ST6GALNAC3: variants seen among roughly 807,000 people sequenced by gnomAD.
ST6GALNAC3 encodes the protein alpha-N-acetylgalactosaminide alpha-2,6-sialyltransferase 3.
In ST6GALNAC3, 25 loss-of-function variants were observed where a neutral mutation model predicts 32.7. That is an observed-to-expected ratio of 0.76 (90% confidence interval 0.56 to 1.07). The LOEUF is 1.07. ST6GALNAC3 is among the 50% of genes least tolerant of loss of function. The pLI, the probability that ST6GALNAC3 is intolerant of heterozygous loss-of-function variation, is 0.00. For synonymous variants in ST6GALNAC3, 129 were observed against 133.1 expected, an observed-to-expected ratio of 0.97 and a Z score of 0.21; for missense variants, 355 against 382.4, an observed-to-expected ratio of 0.93 and a Z score of 0.60.
chr1:76,374,063 AGACAGAAG>A (rs1445032667), intron 2 of ST6GALNAC3, among the ~76,000 whole-genome samples: 1 of 152,188 alleles, frequency 6.6e-6, no homozygotes, highest in Non-Finnish European at 1.5e-5. Flanking sequence ...ACTTCTAGTT[AGACAGAAG>A]GAAAGCTCAC....
intron 2 of ST6GALNAC3, among the ~76,000 whole-genome samples, chr1:76,367,087 A>C (rs1206089356): frequency 6.6e-6 from 1 of 152,164 alleles, no homozygotes; most frequent in Non-Finnish European, 1.5e-5. Flanking sequence ...TCTGAGCAAT[A>C]CCAGGCTAAT....
chr1:76,490,057 G>C (rs1251260188), intron 3 of ST6GALNAC3, among the ~76,000 whole-genome samples: 4 of 152,076 alleles, frequency 2.6e-5, no homozygotes, highest in Non-Finnish European at 4.4e-5. Context: ...ATGCTTCATG[G>C]GAAACATTTA....
chr1:76,160,212 G>A (rs1399172129), intron 1 of ST6GALNAC3, among the ~76,000 whole-genome samples: 2 of 152,160 alleles, frequency 1.3e-5, no homozygotes, highest in Non-Finnish European at 2.9e-5. Flanking sequence ...TAATCCCAGA[G>A]GTCAAGAGTG....
At chr1:76,337,880 C>A (rs1046956670) in intron 2 of ST6GALNAC3, among the ~76,000 whole-genome samples, 1 of 152,092 alleles carries the variant, frequency 6.6e-6, no homozygotes, top group Non-Finnish European at 1.5e-5. Context: ...CCTGTCTTTC[C>A]TGGCCCAGAC....
chr1:76,374,151 T>C (rs1201222544), intron 2 of ST6GALNAC3, among the ~76,000 whole-genome samples: 1 of 152,216 alleles, frequency 6.6e-6, no homozygotes, highest in East Asian at 1.9e-4. Context: ...AGCACTTATA[T>C]AGGGCTTTTT....
At chr1:76,224,357 A>C (rs1185463318) in intron 1 of ST6GALNAC3, among the ~76,000 whole-genome samples, 2 of 152,228 alleles carry the variant, frequency 1.3e-5, no homozygotes, top group Non-Finnish European at 2.9e-5. Context: ...GCCCAGAGGA[A>C]GGTACTGGCC....
chr1:76,434,114 C>G (rs1019781667), intron 3 of ST6GALNAC3, among the ~76,000 whole-genome samples: 15 of 152,148 alleles, frequency 9.9e-5, no homozygotes, highest in Non-Finnish European at 1.8e-4. Flanking sequence ...GGTGGCAGGG[C>G]ACTGAATAAA....
chr1:76,455,865 T>G (rs1268310726), intron 3 of ST6GALNAC3, among the ~76,000 whole-genome samples: 1 of 152,178 alleles, frequency 6.6e-6, no homozygotes, highest in Non-Finnish European at 1.5e-5. Flanking sequence ...AATGTCCACC[T>G]TAGGAATTGA....
chr1:76,094,637 A>C (rs1227483206), intron 1 of ST6GALNAC3, among the ~76,000 whole-genome samples: 1 of 152,196 alleles, frequency 6.6e-6, no homozygotes, highest in Non-Finnish European at 1.5e-5. Context: ...CAGTGATGGA[A>C]GAATTTTAAG....
chr1:76,127,586 A>C (rs761221253), intron 1 of ST6GALNAC3, among the ~76,000 whole-genome samples: 3 of 152,238 alleles, frequency 2.0e-5, no homozygotes, highest in Non-Finnish European at 4.4e-5. Flanking sequence ...GCACTGTGTT[A>C]AATATTTTAC....
At chr1:76,106,541 GC>G (rs1453512089) in intron 1 of ST6GALNAC3, among the ~76,000 whole-genome samples, 1 of 152,114 alleles carries the variant, frequency 6.6e-6, no homozygotes, top group Non-Finnish European at 1.5e-5. Context: ...CCATTTGATG[GC>G]CCCCAATGCT....
intron 3 of ST6GALNAC3, among the ~76,000 whole-genome samples, chr1:76,590,732 C>A (rs1050041473): frequency 1.3e-5 from 2 of 152,116 alleles, no homozygotes; most frequent in Admixed American, 1.3e-4. Context: ...ATACAGGAAA[C>A]CAGCATGCAG....
chr1:76,420,619 GT>G (rs1654966450), intron 3 of ST6GALNAC3, among the ~76,000 whole-genome samples: 1 of 152,020 alleles, frequency 6.6e-6, no homozygotes, highest in South Asian at 2.1e-4. Flanking sequence ...GGCCATGGAT[GT>G]TTCAAGTGTC....
chr1:76,455,641 G>A (rs900600859), intron 3 of ST6GALNAC3, among the ~76,000 whole-genome samples: 1 of 152,088 alleles, frequency 6.6e-6, no homozygotes, highest in African/African-American at 2.4e-5. Flanking sequence ...TTTATTTCAA[G>A]TACTGAGGGA....
chr1:76,607,437 A>G (rs1647634059), intron 3 of ST6GALNAC3, among the ~76,000 whole-genome samples: 1 of 152,140 alleles, frequency 6.6e-6, no homozygotes, highest in Non-Finnish European at 1.5e-5. Flanking sequence ...CTGTAATCAT[A>G]TAATTGGTTC....
At chr1:76,110,760 T>C (rs1240458989) in intron 1 of ST6GALNAC3, among the ~76,000 whole-genome samples, 1 of 152,258 alleles carries the variant, frequency 6.6e-6, no homozygotes, top group African/African-American at 2.4e-5. Context: ...GGAAATGTTA[T>C]AATTTTAAGC....
chr1:76,454,250 T>C (rs1657609408), intron 3 of ST6GALNAC3, among the ~76,000 whole-genome samples: 2 of 152,204 alleles, frequency 1.3e-5, no homozygotes, highest in South Asian at 4.1e-4. Context: ...TCTTTACCTT[T>C]TATGTGGAAC....
In ST6GALNAC3 at chr1:76,632,167, A is replaced by T. The variant is rs908518613; in HGVS notation, c.*3361A>T. 1 of 152,120 alleles carries T rather than the reference A, an allele frequency of 6.6e-6. No individual in the cohort carries two copies. Among genetic ancestry groups the T allele is most frequent in the African/African-American group, 2.4e-5 (1 of 41,430 alleles). 9.4% of individuals were successfully genotyped at this position (152,120 alleles called of 1,614,324 possible). ...TGAATCACAGAAAGCCCTATTTTAGACTTCATCTGAAATTCGTTGGGTTAC... is the reference window on the plus strand; with the variant it reads ...TGAATCACAGAAAGCCCTATTTTAGTCTTCATCTGAAATTCGTTGGGTTAC... On this transcript the variant is annotated 3_prime_UTR_variant, in exon 5 of 5. Coordinates refer to ENST00000328299, the MANE Select transcript of ST6GALNAC3 (RefSeq NM_152996.4).
chr1:76,176,862 G>C (rs1467066973), intron 1 of ST6GALNAC3, among the ~76,000 whole-genome samples: 1 of 152,142 alleles, frequency 6.6e-6, no homozygotes, highest in African/African-American at 2.4e-5. Flanking sequence ...GGTAGATGGT[G>C]GTAATGATTG....
Sources: allele counts gnomAD v4.1 joint callset (sites outside exome capture counted in the v4.1 genomes callset), GRCh38; gene constraint gnomAD v4.1.1; transcripts MANE v1.5; gene names NCBI Gene and HGNC (gene_info 2026-07-23, HGNC 2026-07-21).